Variants in AGO2 observed in about 807,000 individuals in gnomAD.
AGO2 encodes the protein protein argonaute-2.
In AGO2, 5 loss-of-function variants were observed where a neutral mutation model predicts 102.3. That is an observed-to-expected ratio of 0.05 (90% CI 0.03 to 0.10). AGO2 has a LOEUF of 0.10. Among genes scored for constraint, AGO2 ranks in the 10% least tolerant of loss-of-function variants. The pLI is 1.00. For missense variants in AGO2, 541 were observed against 1,183.7 expected, an observed-to-expected ratio of 0.46 and a Z score of 7.97; for synonymous variants, 449 against 473.1, an observed-to-expected ratio of 0.95 and a Z score of 0.66.
Position 140,549,196 on chromosome 8 carries a change from C to T in AGO2, c.1506G>A (p.Glu502=). Residue 502 remains glutamate, a synonymous_variant, in exon 12 of 19, where the codon GAG becomes GAA. Coordinates refer to ENST00000220592, the MANE Select transcript of AGO2 (RefSeq NM_012154.5). ...TGTTCTTCAGGTGCCGGAACATGGG[C>T]TCCACGCTGTCCGCCCCCTGCGCGT... ...CKYAQGADSV[E]PMFRHLKNTY... is the part of the protein sequence containing the mutation. The T allele has an allele frequency of 1.9e-6, 3 of 1,613,810 alleles. No homozygotes were observed. The highest frequency in any genetic ancestry group is 2.2e-5 in the East Asian group (1 of 44,870).
rs58668484 is a variant in AGO2, at chr8:140,552,740, GCACA to G, written c.1270-1308_1270-1305del. 4.4e-3 allele frequency among the ~76,000 whole-genome samples: 578 copies of G among 130,906 alleles called. 1 individual carries two copies. Among genetic ancestry groups the G allele is most frequent in the Middle Eastern group, 7.9e-3 (2 of 252 alleles). 85.9% of individuals were successfully genotyped at this position (130,906 alleles called of 152,430 possible). A position where few individuals can be genotyped will look rare whatever the true frequency, so the allele number is the denominator to read the frequency against. On this transcript the variant is annotated intron_variant, in intron 10 of 18. Transcript: ENST00000220592. ...CACACGCACATGCACGCGCGCGCGC[GCACA>G]CACACACACACACACACACACACAC...
intron 10 of AGO2, among the ~76,000 whole-genome samples, chr8:140,554,824 C>T (rs1201830909): frequency 2.6e-5 from 4 of 151,838 alleles, no homozygotes; most frequent in Admixed American, 1.3e-4. Context: ...CCTGAGAAGC[C>T]GGGACTACAG....
intron 10 of AGO2, among the ~76,000 whole-genome samples, chr8:140,552,105 A>G (rs1029217858): frequency 1.3e-5 from 2 of 152,218 alleles, no homozygotes; most frequent in African/African-American, 2.4e-5. Flanking sequence ...AGGCCTTGCC[A>G]TGCTACAGGA....
At chr8:140,610,041 A>T (rs1392575270) in intron 1 of AGO2, among the ~76,000 whole-genome samples, 1 of 150,592 alleles carries the variant, frequency 6.6e-6, no homozygotes, top group African/African-American at 2.4e-5. Context: ...AAAAAAAAAA[A>T]AAAAAAAAAA....
At chr8:140,555,856 A>C (rs760805119) in intron 10 of AGO2, 40 bp downstream of exon 10, 1 of 1,597,930 alleles carries the variant, frequency 6.3e-7, no homozygotes, top group Non-Finnish European at 8.5e-7. Context: ...GGGCAGAGAC[A>C]TGCCCCGCAG....
chr8:140,625,349 G>A (rs1408666294), intron 1 of AGO2, among the ~76,000 whole-genome samples: 3 of 152,040 alleles, frequency 2.0e-5, no homozygotes, highest in Non-Finnish European at 4.4e-5. Flanking sequence ...CAGGTGATCC[G>A]CCCGCCTTGG....
In AGO2 at chr8:140,610,307, G is replaced by A. The variant is rs1408356435; in HGVS notation, c.23-24996C>T. Among the ~76,000 whole-genome samples, 3 of 152,084 alleles carry A rather than the reference G, an allele frequency of 2.0e-5. No homozygotes were observed. The East Asian group carries it at 5.8e-4, about 29-fold the overall frequency. On this transcript the variant is annotated intron_variant, in intron 1 of 18. Coordinates refer to ENST00000220592, the MANE Select transcript of AGO2 (RefSeq NM_012154.5). ...ACAATCTTGGCTCACTGCAACCTCT[G>A]CTTCCCGGGCTCAAGCACTTCTGCC...
At chr8:140,573,141 C>G (rs2073410837) in intron 2 of AGO2, among the ~76,000 whole-genome samples, 1 of 151,460 alleles carries the variant, frequency 6.6e-6, no homozygotes, top group Non-Finnish European at 1.5e-5. Flanking sequence ...TCACAAGTAG[C>G]TGGGATTAAC....
intron 10 of AGO2, 84 bp from the exon 11 acceptor site, chr8:140,551,520 T>A: frequency 7.4e-7 from 1 of 1,357,902 alleles, no homozygotes. Flanking sequence ...TCACTGTTGG[T>A]CCCCCTGACC....
rs1370018360 is a variant in AGO2 at position 140,595,899 on chromosome 8, T to A, written c.23-10588A>T. Among the ~76,000 whole-genome samples the A allele has an allele frequency of 3.4e-4, 41 of 121,518 alleles. 4 individuals are homozygous for A. Among genetic ancestry groups the A allele is most frequent in the African/African-American group, 1.2e-3 (38 of 30,758 alleles). The allele number at this position is 121,518 out of a possible 152,430, so 79.7% of individuals were successfully genotyped here. A position where few individuals can be genotyped will look rare whatever the true frequency, so the allele number is the denominator to read the frequency against. ...TTATATAATATATAATTATATATAT[T>A]ATGTATTATATAATATATATTATGT... On this transcript the variant is annotated intron_variant, in intron 1 of 18. Coordinates refer to ENST00000220592, the MANE Select transcript of AGO2 (RefSeq NM_012154.5).
intron 17 of AGO2, 69 bp downstream of exon 17, chr8:140,535,399 T>G: frequency 6.7e-7 from 1 of 1,494,092 alleles, no homozygotes; most frequent in Non-Finnish European, 9.3e-7. Flanking sequence ...AGAGTGCAAG[T>G]GTTTGCTGAA....
chr8:140,559,736 G>A (rs2073165255), intron 5 of AGO2, among the ~76,000 whole-genome samples: 1 of 152,208 alleles, frequency 6.6e-6, no homozygotes, highest in Non-Finnish European at 1.5e-5. Flanking sequence ...CCTCCCTCTG[G>A]TCAGGGTGAC....
At position 140,567,630 on chromosome 8, in the gene AGO2, T is replaced by C. The variant is rs2073308815; in HGVS notation, c.337-4996A>G. On this transcript the variant is annotated intron_variant, in intron 3 of 18. Coordinates refer to ENST00000220592, the MANE Select transcript of AGO2 (RefSeq NM_012154.5). This position sits in a 1 kb window ranked among gnomAD's most constrained non-coding sequence, Gnocchi z 5.0. ...ACTGCCATTTTCTGAACATGGATAA[T>C]AGAAAATGTCAGCCCAGGACTCGAT... 2.0e-5 allele frequency among the ~76,000 whole-genome samples: 3 copies of C among 152,196 alleles called. No individual in the cohort carries two copies. The highest frequency in any genetic ancestry group is 3.4e-3 in the Middle Eastern group (1 of 294).
rs561047613 is a variant in AGO2 at position 140,531,107 on chromosome 8, T to C, written c.*937A>G. 6.6e-6 allele frequency: 1 copy of C among 152,444 alleles called. No homozygotes were observed. The highest frequency in any genetic ancestry group is 1.5e-5 in the Non-Finnish European group (1 of 68,032). The allele number at this position is 152,444 out of a possible 1,614,324, so 9.4% of individuals were successfully genotyped here. A position where few individuals can be genotyped will look rare whatever the true frequency, so the allele number is the denominator to read the frequency against. On this transcript the variant is annotated 3_prime_UTR_variant, in exon 19 of 19. Transcript: ENST00000220592. ...AAACACTCTTGATATGCCAAACAGA[T>C]CACAGAAGCACCCCATAGTCAATAA...
At chr8:140,600,039 G>C (rs1181888714) in intron 1 of AGO2, among the ~76,000 whole-genome samples, 1 of 121,438 alleles carries the variant, frequency 8.2e-6, no homozygotes, top group Non-Finnish European at 2.0e-5. Flanking sequence ...GATTTAAAAG[G>C]CAAATGGACA....
intron 1 of AGO2, among the ~76,000 whole-genome samples, chr8:140,612,397 C>T (rs1044734219): frequency 6.6e-6 from 1 of 152,194 alleles, no homozygotes; most frequent in Non-Finnish European, 1.5e-5. Flanking sequence ...GGACAAAACA[C>T]ATGGGAGACA....
At chr8:140,548,827 C>T (rs1415446488) in intron 12 of AGO2, among the ~76,000 whole-genome samples, 4 of 152,182 alleles carry the variant, frequency 2.6e-5, no homozygotes, top group African/African-American at 9.7e-5. Flanking sequence ...CCAGCCAACA[C>T]GCATGCTGTA....
chr8:140,581,419 T>C (rs891508044), intron 2 of AGO2, among the ~76,000 whole-genome samples: 4 of 152,172 alleles, frequency 2.6e-5, no homozygotes, highest in African/African-American at 9.7e-5. Context: ...GACGGGTAGC[T>C]GAGGCACGAG....
intron 17 of AGO2, 142 bp from the exon 18 acceptor site, chr8:140,532,757 G>A: frequency 1.1e-6 from 1 of 934,108 alleles, no homozygotes; most frequent in Non-Finnish European, 1.6e-6. Flanking sequence ...AGCACTTTGG[G>A]AGGCCAAGGC....
Sources: gnomAD v4.1 joint callset for allele counts (sites outside exome capture counted in the v4.1 genomes callset) on GRCh38, gnomAD v4.1.1 for gene constraint, Gnocchi (gnomAD v3.1) non-coding constraint, MANE v1.5 for transcripts, NCBI Gene and HGNC (gene_info 2026-07-23, HGNC 2026-07-21) for gene names.